The following NSD2 variants were observed in gnomAD, a reference collection of about 807,000 sequenced individuals.
NSD2 encodes nuclear receptor binding SET domain protein 2.
NSD2 carries 12 observed loss-of-function variants against 139.0 expected under a neutral mutation model. The ratio of observed to expected loss-of-function variants is 0.09; its 90% confidence interval spans 0.06 to 0.14. NSD2 has a LOEUF of 0.14. Ranked by LOEUF, NSD2 falls within the 10% of genes least tolerant of loss-of-function variation. The probability of loss-of-function intolerance (pLI) is 1.00; values close to 1 mark genes in which losing one functional copy is unlikely to be tolerated. For synonymous variants in NSD2, 669 were observed against 648.7 expected, an observed-to-expected ratio of 1.03 and a Z score of -0.48; for missense variants, 1,155 against 1,745.0, an observed-to-expected ratio of 0.66 and a Z score of 6.02.
chr4:1,898,860 G>A (rs1334968162), intron 1 of NSD2, among the ~76,000 whole-genome samples: 1 of 151,930 alleles, frequency 6.6e-6, no homozygotes, highest in Non-Finnish European at 1.5e-5. Flanking sequence ...TGTTACAGTT[G>A]CTTCAAACTC....
At chr4:1,901,637 A>G (rs986490539) in intron 2 of NSD2, among the ~76,000 whole-genome samples, 6 of 152,246 alleles carry the variant, frequency 3.9e-5, no homozygotes, top group African/African-American at 1.2e-4. Flanking sequence ...TGATGTGGTC[A>G]GTGGAGACAG....
At chr4:1,915,406 A>T (rs1719253822) in intron 3 of NSD2, among the ~76,000 whole-genome samples, 1 of 151,790 alleles carries the variant, frequency 6.6e-6, no homozygotes, top group South Asian at 2.1e-4. Context: ...GAGCCACTGC[A>T]CCCGGCCTGA....
intron 20 of NSD2, chr4:1,975,658 C>T: frequency 2.2e-6 from 1 of 444,938 alleles, no homozygotes; most frequent in Non-Finnish European, 4.1e-6. Flanking sequence ...TGGGTGTGGG[C>T]AGGGCCGTGC....
Position 1,979,047 on chromosome 4 carries a change from G to C in NSD2, c.*138G>C. 8.9e-7 allele frequency: 1 copy of C among 1,128,098 alleles called. No homozygotes were observed. Among genetic ancestry groups the C allele is most frequent in the Non-Finnish European group, 1.2e-6 (1 of 836,362 alleles). The allele number at this position is 1,128,098 out of a possible 1,614,324, so 69.9% of individuals were successfully genotyped here. A position where few individuals can be genotyped will look rare whatever the true frequency, so the allele number is the denominator to read the frequency against. ...CAGACGTACAGGCCTCCTCGGGAGG[G>C]AGCGCCTCCCCACCACTGAGCCATC... On this transcript the variant is annotated 3_prime_UTR_variant, in exon 22 of 22. Transcript: ENST00000508803.
chr4:1,935,380 T>G, intron 7 of NSD2, 118 bp downstream of exon 7: 1 of 716,072 alleles, frequency 1.4e-6, no homozygotes. Context: ...CCCAGCTCCT[T>G]CCAGGCTGGT....
intron 6 of NSD2, 74 bp from the exon 7 acceptor site, chr4:1,935,070 T>C: frequency 8.6e-7 from 1 of 1,157,888 alleles, no homozygotes; most frequent in Non-Finnish European, 1.3e-6. Context: ...ATGCCCTGGG[T>C]AGGTTCTCAC....
In NSD2 at chr4:1,955,909, A is replaced by G. The variant is rs1410881796; in HGVS notation, c.2675+60A>G. The stretch of plus-strand genomic sequence containing the variant: ...TTCTGTTCACATGTGTTCGCTTTAC[A>G]GTACTTAAAGTATTGAAATTATTAT... On this transcript the variant is annotated intron_variant, in intron 14 of 21. Coordinates refer to ENST00000508803, the MANE Select transcript of NSD2 (RefSeq NM_001042424.3). The surrounding 1 kb of genome is among the most constrained non-coding windows in gnomAD (Gnocchi z 4.7). 1.1e-5 allele frequency: 17 copies of G among 1,609,580 alleles called. No homozygotes were observed. The highest frequency in any genetic ancestry group is 1.4e-5 in the Non-Finnish European group (17 of 1,176,942).
At position 1,918,158 on chromosome 4, in the gene NSD2, A is replaced by G. The variant is rs776092631; in HGVS notation, c.945A>G (p.Ser315=). Residue 315 remains serine (S), a synonymous_variant, in exon 5 of 22, where the codon TCA becomes TCG. Coordinates refer to ENST00000508803, the MANE Select transcript of NSD2 (RefSeq NM_001042424.3). ...AEKIKLLKPI[S]GKLRAQWEMG... is the part of the protein sequence containing the mutation. ...TTTCCCAGCTATTGAAACCAATTTC[A>G]GGGAAATTGAGGGCCCAGTGGGAAA... The G allele has an allele frequency of 3.1e-6, 5 of 1,608,936 alleles. No individual in the cohort carries two copies. In the East Asian group the frequency reaches 8.9e-5, roughly 29 times the overall value.
In NSD2 at chr4:1,955,555, C is replaced by T. The variant is rs760328069; in HGVS notation, c.2519-138C>T. ...TTGTGGTGAAAATGACATTTGCTCT[C>T]GTGCTGATGTACAGATCGCTGTTTT... On this transcript the variant is annotated intron_variant, in intron 13 of 21. Transcript: ENST00000508803. This position sits in a 1 kb window ranked among gnomAD's most constrained non-coding sequence, Gnocchi z 4.7. 1.6e-4 allele frequency: 202 copies of T among 1,248,578 alleles called. No individual in the cohort carries two copies. The highest frequency in any genetic ancestry group is 5.6e-4 in the Middle Eastern group (2 of 3,590). The allele number at this position is 1,248,578 out of a possible 1,614,324, so 77.3% of individuals were successfully genotyped here.
chr4:1,898,636 G>A (rs1716722363), intron 1 of NSD2, among the ~76,000 whole-genome samples: 1 of 150,602 alleles, frequency 6.6e-6, no homozygotes, highest in Non-Finnish European at 1.5e-5. Context: ...GTCCAACCTG[G>A]GTGACAGAGC....
intron 21 of NSD2, among the ~76,000 whole-genome samples, chr4:1,977,959 T>G (rs1727280651): frequency 6.6e-6 from 1 of 152,068 alleles, no homozygotes; most frequent in African/African-American, 2.4e-5. Flanking sequence ...AAACCTCATC[T>G]CTACTGAACA....
At chr4:1,880,612 C>CAA (rs549555052) in intron 1 of NSD2, among the ~76,000 whole-genome samples, 5,293 of 118,680 alleles carry the variant, frequency 0.045, 326 homozygotes, top group African/African-American at 0.15. Flanking sequence ...ATACTCCTGC[C>CAA]AAAAAAAAAA....
chr4:1,978,792 C>G lies in NSD2; in HGVS notation c.3981C>G (p.Asp1327Glu), dbSNP rs1291087144. 14 of 1,613,456 alleles carry G rather than the reference C, an allele frequency of 8.7e-6. No homozygotes were observed. Among genetic ancestry groups the G allele is most frequent in the East Asian group, 4.5e-5 (2 of 44,850 alleles). Reference sequence around the variant, plus strand: ...GGCGGTCCTACTGCTGTGAGCATGACTTAGGGGCGGCATCGGTCAGAAGCA... The same window carrying G: ...GGCGGTCCTACTGCTGTGAGCATGAGTTAGGGGCGGCATCGGTCAGAAGCA... ...PDGRSYCCEHDLGAASVRSTK... is the reference protein window; with the variant it reads ...PDGRSYCCEHELGAASVRSTK... The change falls in exon 22 of 22, where the codon GAC (aspartate) becomes GAG (glutamate). Residue 1327 changes from aspartate (D) to glutamate (E), a missense_variant. Asp to Glu is a conservative substitution (Grantham distance 45, BLOSUM62 2). Around this residue, in one of 8 missense-constraint regions of NSD2, gnomAD observed 132 missense variants for 94.3 expected, o/e 1.40. Transcript: ENST00000508803.
Position 1,957,917 on chromosome 4 carries a change from T to C in NSD2, c.2882-16T>C. The C allele has an allele frequency of 1.2e-6, 2 of 1,612,322 alleles. No homozygotes were observed. ...TATTTACTAAAATCTTTACTCCTAT[T>C]TCATTGACTTTTTAGCACTGCAAGA... On this transcript the variant is annotated splice_polypyrimidine_tract_variant and intron_variant, in intron 15 of 21. Coordinates refer to ENST00000508803, the MANE Select transcript of NSD2 (RefSeq NM_001042424.3).
intron 18 of NSD2, among the ~76,000 whole-genome samples, chr4:1,961,972 G>C (rs1725417126): frequency 6.6e-6 from 1 of 152,236 alleles, no homozygotes; most frequent in Non-Finnish European, 1.5e-5. Context: ...ATTTTTAAAA[G>C]AGTAGATTAA....
chr4:1,952,047 G>T (rs1724320632), intron 10 of NSD2, 61 bp from the exon 11 acceptor site: 3 of 1,569,044 alleles, frequency 1.9e-6, no homozygotes, highest in African/African-American at 2.7e-5. Flanking sequence ...GGCTTCCCTT[G>T]TGGTAAGAGG....
chr4:1,901,326 A>G, intron 2 of NSD2, 75 bp downstream of exon 2: 2 of 1,304,740 alleles, frequency 1.5e-6, no homozygotes, highest in Non-Finnish European at 2.1e-6. Context: ...GGGCACCTGC[A>G]CGAGTACTGG....
chr4:1,917,314 C>T (rs549800200), intron 4 of NSD2, among the ~76,000 whole-genome samples: 4 of 152,204 alleles, frequency 2.6e-5, no homozygotes, highest in Admixed American at 6.5e-5. Context: ...TGTGTATACA[C>T]ACACACAGAC....
rs954246542 is a variant in NSD2, at chr4:1,976,074, G to T, written c.3622-401G>T. On this transcript the variant is annotated intron_variant, in intron 20 of 21. Coordinates refer to ENST00000508803, the MANE Select transcript of NSD2 (RefSeq NM_001042424.3). This position sits in a 1 kb window ranked among gnomAD's most constrained non-coding sequence, Gnocchi z 5.3. The stretch of plus-strand genomic sequence containing the variant: ...TGCTGAGGATGGTCACTGCCCTCAG[G>T]TCACTGCCGCCCACCTGTGCCCACG... 2.0e-5 allele frequency among the ~76,000 whole-genome samples: 3 copies of T among 152,166 alleles called. No homozygotes were observed. Among genetic ancestry groups the T allele is most frequent in the African/African-American group, 7.2e-5 (3 of 41,434 alleles).
Sources: gnomAD v4.1 joint callset for allele counts (sites outside exome capture counted in the v4.1 genomes callset) on GRCh38, gnomAD v4.1.1 for gene constraint, gnomAD v4.1.1 regional missense constraint, Gnocchi (gnomAD v3.1) non-coding constraint, MANE v1.5 for transcripts, NCBI Gene and HGNC (gene_info 2026-07-23, HGNC 2026-07-21) for gene names.